NDC80: variants seen among roughly 807,000 people sequenced by gnomAD.
NDC80 encodes NDC80 kinetochore complex component.
Under a neutral mutation model 89.3 loss-of-function variants are expected in NDC80, and 69 were observed. The ratio of observed to expected loss-of-function variants is 0.77; its 90% confidence interval spans 0.64 to 0.94. The LOEUF is 0.94. Ranked by LOEUF, NDC80 falls within the 40% of genes least tolerant of loss-of-function variation. The pLI, the probability that NDC80 is intolerant of heterozygous loss-of-function variation, is 0.00. For missense variants in NDC80, 593 were observed against 739.6 expected, an observed-to-expected ratio of 0.80 and a Z score of 2.30; for synonymous variants, 243 against 255.6, an observed-to-expected ratio of 0.95 and a Z score of 0.47.
chr18:2,601,645 A>G (rs906118246), intron 13 of NDC80, among the ~76,000 whole-genome samples, 160 bp downstream of exon 13: 1 of 152,180 alleles, frequency 6.6e-6, no homozygotes, highest in African/African-American at 2.4e-5. Flanking sequence ...TATTTGAAGT[A>G]ACTTATTAAG....
At chr18:2,578,412 T>C (rs539712752) in intron 5 of NDC80, among the ~76,000 whole-genome samples, 7 of 152,296 alleles carry the variant, frequency 4.6e-5, no homozygotes, top group African/African-American at 1.7e-4. Context: ...TCCACTTTTC[T>C]TTGTTTAAAA....
intron 8 of NDC80, among the ~76,000 whole-genome samples, chr18:2,588,485 G>T (rs2072612672): frequency 6.6e-6 from 1 of 151,692 alleles, no homozygotes. Context: ...CATTCCAGAG[G>T]TATTATTTTA....
chr18:2,592,264 C>A (rs2072631358), intron 10 of NDC80, among the ~76,000 whole-genome samples: 1 of 151,744 alleles, frequency 6.6e-6, no homozygotes, highest in Admixed American at 6.6e-5. Flanking sequence ...TGTTTTTATT[C>A]TATGAGTGTT....
intron 14 of NDC80, among the ~76,000 whole-genome samples, chr18:2,607,742 T>C (rs2072719746): frequency 6.6e-6 from 1 of 151,648 alleles, no homozygotes; most frequent in South Asian, 2.1e-4. Context: ...AAATGGGAAC[T>C]GAAATGTACC....
chr18:2,604,696 AAG>A (rs781713991), intron 13 of NDC80, among the ~76,000 whole-genome samples: 1 of 152,118 alleles, frequency 6.6e-6, no homozygotes, highest in Non-Finnish European at 1.5e-5. Context: ...AGAAAAAACA[AAG>A]AGCACAGCAT....
rs1766443682 is a variant in NDC80, at chr18:2,616,451, G to A, written c.1806G>A (p.Glu602=). ...CTCTTCACTAGAAACATCTTGAGGA[G>A]CAGATTGCTAAAGTTGATAGAGAAT... is the stretch of plus-strand genomic sequence containing the variant. ...HVGSVEKHLE[E]QIAKVDREYE... is the part of the protein sequence containing the mutation. Residue 602 remains glutamate, a synonymous_variant, in exon 17 of 17, where the codon GAG becomes GAA. Transcript: ENST00000261597. 2.0e-6 allele frequency: 3 copies of A among 1,499,062 alleles called. No individual in the cohort carries two copies. The highest frequency in any genetic ancestry group is 2.7e-6 in the Non-Finnish European group (3 of 1,117,778). 92.9% of individuals were successfully genotyped at this position (1,499,062 alleles called of 1,614,324 possible).
At chr18:2,597,663 G>A (rs1372988790) in intron 11 of NDC80, among the ~76,000 whole-genome samples, 1 of 152,030 alleles carries the variant, frequency 6.6e-6, no homozygotes, top group East Asian at 1.9e-4. Context: ...CCCGGAGGCG[G>A]AAGTTGCAGT....
At chr18:2,595,946 G>A (rs2271755) in intron 11 of NDC80, among the ~76,000 whole-genome samples, 118,008 of 152,188 alleles carry the variant, frequency 0.78, 45,942 homozygotes, top group East Asian at 0.95. Context: ...CACTACTTAA[G>A]CATTAAGATT....
At chr18:2,611,835 A>AC (rs1433711156) in intron 16 of NDC80, among the ~76,000 whole-genome samples, 1 of 151,754 alleles carries the variant, frequency 6.6e-6, no homozygotes, top group Non-Finnish European at 1.5e-5. Flanking sequence ...ATACCCTACT[A>AC]CCCATCCTCT....
chr18:2,614,630 A>AAAGAAAGAAAGAAAGAAAG, intron 16 of NDC80, among the ~76,000 whole-genome samples: 1 of 79,684 alleles, frequency 1.3e-5, no homozygotes, highest in Non-Finnish European at 2.4e-5. Context: ...AGAAAGAAAG[A>AAAGAAAGAAAGAAAGAAAG]AAGAAAGAAA....
At chr18:2,573,588 T>C (rs996102342) in intron 2 of NDC80, among the ~76,000 whole-genome samples, 21 of 152,216 alleles carry the variant, frequency 1.4e-4, no homozygotes, top group African/African-American at 5.1e-4. Context: ...AACTATAGTT[T>C]TTCATTATGA....
chr18:2,573,099 C>T lies in NDC80; in HGVS notation c.101+13C>T. On this transcript the variant is annotated intron_variant, in intron 2 of 16. Coordinates refer to ENST00000261597, the MANE Select transcript of NDC80 (RefSeq NM_006101.3). ...ATACCCCTCAAACGTGAGTATTTCCCTTGTGGTTCTAATTTGCATGCTTTA... is the reference window on the plus strand; with the variant it reads ...ATACCCCTCAAACGTGAGTATTTCCTTTGTGGTTCTAATTTGCATGCTTTA... 6.3e-7 allele frequency: 1 copy of T among 1,590,134 alleles called. No homozygotes were observed. The highest frequency in any genetic ancestry group is 8.6e-7 in the Non-Finnish European group (1 of 1,163,826).
Position 2,577,837 on chromosome 18 carries a change from T to C in NDC80, c.271T>C (p.Phe91Leu). The C allele has an allele frequency of 6.2e-7, 1 of 1,614,128 alleles. No homozygotes were observed. The highest frequency in any genetic ancestry group is 1.1e-5 in the South Asian group (1 of 91,076). The change falls in exon 4 of 17, where the codon TTC becomes CTC. Residue 91 changes from phenylalanine (F) to leucine (L), a missense_variant. Coordinates refer to ENST00000261597, the MANE Select transcript of NDC80 (RefSeq NM_006101.3). The stretch of plus-strand genomic sequence containing the variant: ...CCCGAGACCACTTAATGACAAAGCA[T>C]TCATTCAGCAGTGTATTCGACAACT... ...KDPRPLNDKA[F>L]IQQCIRQLCE... is the part of the protein sequence containing the mutation.
chr18:2,587,419 C>G (rs1416942398), intron 7 of NDC80, among the ~76,000 whole-genome samples: 1 of 152,172 alleles, frequency 6.6e-6, no homozygotes, highest in Middle Eastern at 3.2e-3. Context: ...TAGACCTTAT[C>G]AATTCAATTG....
chr18:2,579,433 G>T (rs1358103959), intron 6 of NDC80, among the ~76,000 whole-genome samples: 10 of 151,958 alleles, frequency 6.6e-5, no homozygotes, highest in Admixed American at 5.9e-4. Flanking sequence ...GTTTTGTTTT[G>T]TTTTTTGTTT....
At chr18:2,616,409 T>G (rs747178666) in intron 16 of NDC80, 28 bp from the exon 17 acceptor site, 5 of 1,391,142 alleles carry the variant, frequency 3.6e-6, no homozygotes, top group Non-Finnish European at 4.9e-6. Flanking sequence ...TTTTTTTTAC[T>G]TTAACAATTG....
intron 8 of NDC80, among the ~76,000 whole-genome samples, chr18:2,588,989 A>T (rs2072614485): frequency 6.6e-6 from 1 of 152,096 alleles, no homozygotes; most frequent in Admixed American, 6.6e-5. Context: ...AATGGTGATA[A>T]GCGCTTTGGA....
chr18:2,586,415 T>C (rs1598366552), intron 7 of NDC80, among the ~76,000 whole-genome samples: 1 of 152,184 alleles, frequency 6.6e-6, no homozygotes, highest in East Asian at 1.9e-4. Context: ...TTCACCCAAG[T>C]ACATTACAAC....
At chr18:2,608,665 T>C in intron 14 of NDC80, 35 bp from the exon 15 acceptor site, 3 of 1,583,498 alleles carry the variant, frequency 1.9e-6, no homozygotes, top group Non-Finnish European at 1.7e-6. Context: ...AATGTGAATA[T>C]CAAGAAACCC....
Sources: allele counts gnomAD v4.1 joint callset (sites outside exome capture counted in the v4.1 genomes callset), GRCh38; gene constraint gnomAD v4.1.1; transcripts MANE v1.5; gene names NCBI Gene and HGNC (gene_info 2026-07-23, HGNC 2026-07-21).